Variants in VRK1 observed in about 807,000 individuals in gnomAD.
VRK1 encodes the protein VRK serine/threonine kinase 1, also known as serine/threonine-protein kinase VRK1.
VRK1 carries 33 observed loss-of-function variants against 57.1 expected under a neutral mutation model. The ratio of observed to expected loss-of-function variants is 0.58; its 90% CI spans 0.44 to 0.77. The LOEUF (loss-of-function observed/expected upper bound fraction) is 0.77. Ranked by LOEUF, VRK1 falls within the 30% of genes least tolerant of loss-of-function variation. VRK1 has a pLI of 0.00. For missense variants in VRK1, 413 were observed against 477.3 expected (o/e 0.87, Z 1.25); for synonymous variants, 137 against 147.8 (o/e 0.93, Z 0.53).
At chr14:96,868,995 G>A (rs372878671) in intron 11 of VRK1, among the ~76,000 whole-genome samples, 43 of 152,032 alleles carry the variant, frequency 2.8e-4, no homozygotes, top group African/African-American at 9.2e-4. Context: ...GGGTTTCTCC[G>A]TGTTGGTCAG....
At chr14:96,873,308 A>G (rs1042203183) in intron 11 of VRK1, among the ~76,000 whole-genome samples, 1 of 152,258 alleles carries the variant, frequency 6.6e-6, no homozygotes, top group East Asian at 1.9e-4. Context: ...TATCAGTTCA[A>G]ATGCATCTAG....
At chr14:96,868,516 C>T (rs1403058958) in intron 11 of VRK1, among the ~76,000 whole-genome samples, 1 of 152,148 alleles carries the variant, frequency 6.6e-6, no homozygotes, top group Non-Finnish European at 1.5e-5. Flanking sequence ...GCATTTTAGA[C>T]TTTACATTGT....
intron 1 of VRK1, among the ~76,000 whole-genome samples, chr14:96,828,853 G>A (rs1886899519): frequency 2.0e-5 from 3 of 152,190 alleles, no homozygotes; most frequent in Non-Finnish European, 4.4e-5. Flanking sequence ...CAGGCCCTAA[G>A]GATTGACAGG....
At chr14:96,817,410 A>T (rs1162152650) in intron 1 of VRK1, among the ~76,000 whole-genome samples, 1 of 150,846 alleles carries the variant, frequency 6.6e-6, no homozygotes, top group Non-Finnish European at 1.5e-5. Context: ...TATTTTGTTA[A>T]ATTTATCAGT....
At chr14:96,864,251 AC>A (rs1888497763) in intron 11 of VRK1, among the ~76,000 whole-genome samples, 1 of 151,142 alleles carries the variant, frequency 6.6e-6, no homozygotes, top group African/African-American at 2.4e-5. Context: ...TGAAGTTGTT[AC>A]GTATGTATAG....
intron 1 of VRK1, among the ~76,000 whole-genome samples, chr14:96,809,573 T>C (rs1274246373): frequency 7.2e-6 from 1 of 138,024 alleles, no homozygotes; most frequent in Non-Finnish European, 1.5e-5. Context: ...TTGCTTTCTT[T>C]TTTTTTTTTT....
chr14:96,801,254 A>G (rs1885651844), intron 1 of VRK1, among the ~76,000 whole-genome samples: 2 of 152,220 alleles, frequency 1.3e-5, no homozygotes, highest in Non-Finnish European at 2.9e-5. Context: ...TAGCTAAGAT[A>G]ACCACAGCTT....
chr14:96,876,783 AAAAAAAAACAC>A (rs1889049739), intron 12 of VRK1, among the ~76,000 whole-genome samples: 1 of 151,706 alleles, frequency 6.6e-6, no homozygotes, highest in African/African-American at 2.4e-5. Flanking sequence ...AAGCAAAAAA[AAAAAAAAACAC>A]AAAAAAACAA....
intron 1 of VRK1, among the ~76,000 whole-genome samples, chr14:96,798,061 G>C (rs1258543776): frequency 6.6e-6 from 1 of 152,144 alleles, no homozygotes; most frequent in Non-Finnish European, 1.5e-5. Flanking sequence ...GCCAGGCCTG[G>C]GGACCGCGAG....
At position 96,809,432 on chromosome 14, in the gene VRK1, T is replaced by A. The variant is rs144691817; in HGVS notation, c.-6+11985T>A. ...TCTATTTTGAGGCAATTATGAACAA[T>A]GTTGCTATAATCATATACTTATGTA... On this transcript the variant is annotated intron_variant, in intron 1 of 12. Transcript: ENST00000216639. Among the ~76,000 whole-genome samples, 590 of 152,324 alleles carry A rather than the reference T, an allele frequency of 3.9e-3. 2 individuals carry two copies. The highest frequency in any genetic ancestry group is 6.6e-3 in the Non-Finnish European group (451 of 68,022).
At chr14:96,801,039 C>A (rs1285248844) in intron 1 of VRK1, among the ~76,000 whole-genome samples, 1 of 152,120 alleles carries the variant, frequency 6.6e-6, no homozygotes, top group African/African-American at 2.4e-5. Flanking sequence ...GGAACACGAG[C>A]AGCCTCATTC....
At chr14:96,810,439 A>G (rs1473696601) in intron 1 of VRK1, among the ~76,000 whole-genome samples, 2 of 152,010 alleles carry the variant, frequency 1.3e-5, no homozygotes, top group Non-Finnish European at 2.9e-5. Context: ...AAGCTTTAGT[A>G]TTTTGCCTTT....
intron 1 of VRK1, among the ~76,000 whole-genome samples, chr14:96,832,472 G>A (rs1887045316): frequency 2.0e-5 from 3 of 152,090 alleles, no homozygotes; most frequent in Admixed American, 2.0e-4. Context: ...ATGTTCACAT[G>A]CATACTAGTA....
At chr14:96,867,715 C>T (rs1317400938) in intron 11 of VRK1, among the ~76,000 whole-genome samples, 1 of 152,136 alleles carries the variant, frequency 6.6e-6, no homozygotes, top group African/African-American at 2.4e-5. Flanking sequence ...CCTAACTCTT[C>T]GACCACATGT....
At chr14:96,876,249 A>C in intron 12 of VRK1, 129 bp downstream of exon 12, 1 of 814,658 alleles carries the variant, frequency 1.2e-6, no homozygotes, top group South Asian at 1.3e-5. Context: ...CAAGATTTTT[A>C]TATAGTATGT....
chr14:96,809,308 T>G (rs1416344769), intron 1 of VRK1, among the ~76,000 whole-genome samples: 1 of 152,236 alleles, frequency 6.6e-6, no homozygotes, highest in Non-Finnish European at 1.5e-5. Flanking sequence ...CATGTCTTTA[T>G]GAGAGGTGTG....
At chr14:96,838,798 T>C (rs1253252477) in intron 3 of VRK1, among the ~76,000 whole-genome samples, 1 of 152,220 alleles carries the variant, frequency 6.6e-6, no homozygotes, top group Non-Finnish European at 1.5e-5. Context: ...TCATTTTGTT[T>C]CGTTTTACTC....
chr14:96,871,995 G>A (rs1429924334), intron 11 of VRK1, among the ~76,000 whole-genome samples: 2 of 151,934 alleles, frequency 1.3e-5, no homozygotes, highest in African/African-American at 2.4e-5. Context: ...TAGTAGAGAC[G>A]GGGTTTCGCC....
rs766366415 is a variant in VRK1, at chr14:96,876,138, G to T, written c.1159+18G>T. ...ACAGACCCGTAAGTTGAACAGTTTT[G>T]CCTAGCTGCTTTCATAGGTAAACAC... On this transcript the variant is annotated intron_variant, in intron 12 of 12. Transcript: ENST00000216639. 1.2e-6 allele frequency: 2 copies of T among 1,612,590 alleles called. No individual in the cohort carries two copies. The highest frequency in any genetic ancestry group is 1.7e-4 in the Middle Eastern group (1 of 6,052).
Sources: allele counts gnomAD v4.1 joint callset (sites outside exome capture counted in the v4.1 genomes callset), GRCh38; gene constraint gnomAD v4.1.1; transcripts MANE v1.5; gene names NCBI Gene and HGNC (gene_info 2026-07-23, HGNC 2026-07-21).